Variants in POLA2 observed in about 807,000 individuals in gnomAD.
The protein encoded by POLA2 is DNA polymerase alpha subunit B.
In POLA2, 47 loss-of-function variants were observed where a neutral mutation model predicts 82.8. That is an observed-to-expected ratio of 0.57 (90% CI 0.45 to 0.72). The LOEUF (loss-of-function observed/expected upper bound fraction) is 0.72. Among genes scored for constraint, POLA2 ranks in the 30% least tolerant of loss-of-function variants. POLA2 has a pLI of 0.00. For synonymous variants in POLA2, 287 were observed against 286.8 expected, an observed-to-expected ratio of 1.00 and a Z score of -0.01; for missense variants, 634 against 728.1, an observed-to-expected ratio of 0.87 and a Z score of 1.49.
intron 13 of POLA2, among the ~76,000 whole-genome samples, chr11:65,290,388 T>C (rs540071438): frequency 6.6e-6 from 1 of 151,392 alleles, no homozygotes; most frequent in African/African-American, 2.4e-5. Context: ...ATTACAAAAT[T>C]AGCTGGGCGT....
At chr11:65,278,648 A>G (rs1000084332) in intron 5 of POLA2, 82 bp from the exon 6 acceptor site, 44 of 1,200,706 alleles carry the variant, frequency 3.7e-5, no homozygotes, top group Middle Eastern at 2.8e-4. Flanking sequence ...TCCAGTCCCC[A>G]TTTCCAAAGG....
chr11:65,271,870 T>A (rs1949525329), intron 4 of POLA2, among the ~76,000 whole-genome samples: 1 of 149,998 alleles, frequency 6.7e-6, no homozygotes, highest in Non-Finnish European at 1.5e-5. Context: ...TTTGTGACTG[T>A]GAATTCCACG....
chr11:65,273,217 G>A (rs1949540934), intron 4 of POLA2, among the ~76,000 whole-genome samples: 1 of 152,016 alleles, frequency 6.6e-6, no homozygotes, highest in South Asian at 2.1e-4. Context: ...CTACTCAGGA[G>A]GCTGAGGCAG....
intron 13 of POLA2, among the ~76,000 whole-genome samples, chr11:65,292,778 C>A (rs1252730374): frequency 1.3e-5 from 2 of 152,204 alleles, no homozygotes; most frequent in Admixed American, 6.5e-5. Context: ...TCACCAGCAC[C>A]TTTATCACAT....
At chr11:65,299,782 C>T (rs564987218), downstream of POLA2, among the ~76,000 whole-genome samples, 26 of 152,240 alleles carry the variant, frequency 1.7e-4, no homozygotes, top group African/African-American at 6.0e-4. Context: ...ACCTCCACCT[C>T]CCAGGTTCAA....
chr11:65,282,414 T>A (rs1949650593), intron 9 of POLA2, 65 bp from the exon 10 acceptor site: 1 of 1,411,222 alleles, frequency 7.1e-7, no homozygotes, highest in African/African-American at 1.4e-5. Context: ...CCTGGTGCCC[T>A]CCCCTTTCCT....
At chr11:65,295,700 G>T in intron 16 of POLA2, 101 bp downstream of exon 16, 1 of 1,334,218 alleles carries the variant, frequency 7.5e-7, no homozygotes, top group South Asian at 1.2e-5. Context: ...CTACCAGCAG[G>T]GAACTTTACC....
intron 10 of POLA2, among the ~76,000 whole-genome samples, chr11:65,283,933 A>G (rs2137551809): frequency 6.7e-6 from 1 of 150,004 alleles, no homozygotes; most frequent in East Asian, 2.0e-4. Context: ...GGAGTTTGAG[A>G]CCAGCCTGGG....
chr11:65,276,159 C>T (rs1205901625), intron 5 of POLA2, among the ~76,000 whole-genome samples, 161 bp downstream of exon 5: 2 of 152,158 alleles, frequency 1.3e-5, no homozygotes, highest in Non-Finnish European at 2.9e-5. Flanking sequence ...GCCTTCCTTG[C>T]TCTCCTTTTC....
At chr11:65,272,512 CT>C (rs1364924971) in intron 4 of POLA2, among the ~76,000 whole-genome samples, 4 of 152,210 alleles carry the variant, frequency 2.6e-5, no homozygotes, top group Non-Finnish European at 5.9e-5. Flanking sequence ...CACCATAAAT[CT>C]GCTGATGATT....
chr11:65,302,250 G>T (rs1949862893), downstream of POLA2, among the ~76,000 whole-genome samples: 1 of 152,236 alleles, frequency 6.6e-6, no homozygotes, highest in Admixed American at 6.5e-5. Context: ...TTTGGGCTGA[G>T]CATTTTCGTG....
chr11:65,285,574 CAAA>C (rs573912827), intron 10 of POLA2, among the ~76,000 whole-genome samples: 7 of 62,968 alleles, frequency 1.1e-4, no homozygotes, highest in African/African-American at 1.2e-4. Context: ...GATCCTATCT[CAAA>C]AAAAAAAAAA....
intron 17 of POLA2, 66 bp downstream of exon 17, chr11:65,296,056 C>T (rs190955318): frequency 6.3e-7 from 1 of 1,582,860 alleles, no homozygotes; most frequent in Admixed American, 1.7e-5. Flanking sequence ...CCTTCTAGAC[C>T]ACCCGGCACT....
At chr11:65,296,089 G>A (rs1420525781) in intron 17 of POLA2, 99 bp downstream of exon 17, 1 of 1,368,504 alleles carries the variant, frequency 7.3e-7, no homozygotes, top group Non-Finnish European at 1.0e-6. Context: ...GTCAGCTGAT[G>A]GGGATGGGGC....
chr11:65,263,741 C>A (rs943787874), intron 1 of POLA2, among the ~76,000 whole-genome samples: 6 of 151,592 alleles, frequency 4.0e-5, no homozygotes, highest in Non-Finnish European at 8.8e-5. Flanking sequence ...GCGGAAGAAT[C>A]GCTTGAACAT....
chr11:65,299,077 G>A (rs945592620), downstream of POLA2, among the ~76,000 whole-genome samples: 3 of 152,190 alleles, frequency 2.0e-5, no homozygotes, highest in Non-Finnish European at 2.9e-5. Context: ...CTGGCTGACC[G>A]TCCCTAGACC....
chr11:65,285,787 TACAGA>T (rs1337637322), intron 10 of POLA2, among the ~76,000 whole-genome samples: 18 of 152,070 alleles, frequency 1.2e-4, no homozygotes, highest in African/African-American at 4.3e-4. Flanking sequence ...CTCATGGAGA[TACAGA>T]ATAAGACATG....
At chr11:65,276,711 C>T (rs968150676) in intron 5 of POLA2, among the ~76,000 whole-genome samples, 2 of 151,954 alleles carry the variant, frequency 1.3e-5, no homozygotes, top group African/African-American at 4.8e-5. Context: ...TTCAGGGAAA[C>T]ACCAACTGCC....
intron 9 of POLA2, among the ~76,000 whole-genome samples, chr11:65,282,247 G>C (rs1037161290): frequency 1.3e-5 from 2 of 152,158 alleles, no homozygotes; most frequent in African/African-American, 4.8e-5. Flanking sequence ...TGACAATTGA[G>C]TAGTGACCTC....
Sources: allele counts gnomAD v4.1 joint callset (sites outside exome capture counted in the v4.1 genomes callset), GRCh38; gene constraint gnomAD v4.1.1; transcripts MANE v1.5; gene names NCBI Gene and HGNC (gene_info 2026-07-23, HGNC 2026-07-21).